Variants in MYPN observed in about 807,000 individuals in gnomAD.
MYPN encodes the protein myopalladin.
MYPN carries 63 observed loss-of-function variants against 129.4 expected under a neutral mutation model. That is an observed-to-expected ratio of 0.49 (90% CI 0.40 to 0.60). The LOEUF (loss-of-function observed/expected upper bound fraction) is 0.60, where lower values mean the gene tolerates loss of function less well. Ranked by LOEUF, MYPN falls within the 20% of genes least tolerant of loss-of-function variation. The pLI is 0.00. For synonymous variants in MYPN, 629 were observed against 600.9 expected (o/e 1.05, Z -0.68); for missense variants, 1,596 against 1,635.4 (o/e 0.98, Z 0.42).
intron 15 of MYPN, 57 bp downstream of exon 15, chr10:68,195,589 C>T (rs1013827298): frequency 2.7e-5 from 36 of 1,347,364 alleles, no homozygotes; most frequent in South Asian, 2.6e-4. Context: ...TGCCCACTAT[C>T]GTGAGCACCA....
At chr10:68,089,408 C>T (rs894712546) in intron 1 of MYPN, among the ~76,000 whole-genome samples, 3 of 152,136 alleles carry the variant, frequency 2.0e-5, no homozygotes, top group African/African-American at 7.2e-5. Flanking sequence ...GTGGCGCGAT[C>T]TCGGCTCACT....
At chr10:68,160,824 G>A (rs534408320) in intron 7 of MYPN, among the ~76,000 whole-genome samples, 1 of 152,170 alleles carries the variant, frequency 6.6e-6, no homozygotes, top group African/African-American at 2.4e-5. Context: ...GCCTGAGGTA[G>A]GAGAATCACT....
At chr10:68,093,756 CAA>C (rs1321053051) in intron 1 of MYPN, among the ~76,000 whole-genome samples, 11 of 120,196 alleles carry the variant, frequency 9.2e-5, no homozygotes, top group African/African-American at 8.9e-5. Flanking sequence ...GACTCCGTCT[CAA>C]AAAAAAAAAA....
At chr10:68,200,136 C>T (rs562324420) in intron 17 of MYPN, among the ~76,000 whole-genome samples, 2 of 152,222 alleles carry the variant, frequency 1.3e-5, no homozygotes, top group Admixed American at 6.5e-5. Flanking sequence ...CAGGTAGGGC[C>T]TTCTGTGTAA....
rs761101537 is a variant in MYPN at position 68,150,060 on chromosome 10, C to T, written c.1266C>T (p.Tyr422=). 1.2e-5 allele frequency: 20 copies of T among 1,613,600 alleles called. No individual in the cohort carries two copies. The South Asian group carries it at 2.0e-4, about 16-fold the overall frequency. ...TIQQCQSPTN[Y]LQGLDGKPII... is the part of the protein sequence containing the mutation. ...ACCAGTGTCAGAGCCCCACCAATTA[C>T]TTGCAGGGATTGGATGGAAAACCTA... The change falls in exon 6 of 20, where the codon TAC becomes TAT. Residue 422 remains tyrosine (Y), a synonymous_variant. Transcript: ENST00000358913.
rs1388698091 is a variant in MYPN at position 68,148,981 on chromosome 10, T to C, written c.1245+514T>C. 3.3e-5 allele frequency among the ~76,000 whole-genome samples: 5 copies of C among 152,310 alleles called. No individual in the cohort carries two copies. In the East Asian group the frequency reaches 9.6e-4, roughly 29 times the overall value. On this transcript the variant is annotated intron_variant, in intron 5 of 19. Transcript: ENST00000358913. ...TGGCTCACACCTGTGATCTCAGCAC[T>C]TTGGGAGGCCAAGGTGGGAGGATTG...
chr10:68,136,902 G>C (rs982195814), intron 2 of MYPN, among the ~76,000 whole-genome samples: 5 of 151,742 alleles, frequency 3.3e-5, no homozygotes, highest in African/African-American at 1.2e-4. Context: ...ACTCTTTTTT[G>C]CAATTTTCTG....
chr10:68,196,508 G>A (rs74889812), intron 15 of MYPN, among the ~76,000 whole-genome samples: 16,867 of 77,426 alleles, frequency 0.22, 1,563 homozygotes, highest in Non-Finnish European at 0.33. Context: ...TTTGAGATGG[G>A]GGTCTCACTC....
chr10:68,104,216 G>A (rs1438934657), upstream of MYPN, among the ~76,000 whole-genome samples: 1 of 152,300 alleles, frequency 6.6e-6, no homozygotes, highest in East Asian at 1.9e-4. Context: ...CCTGGGTCAT[G>A]AGTAAGAACA....
At chr10:68,136,686 C>T (rs899305815) in intron 2 of MYPN, 35 of 1,535,242 alleles carry the variant, frequency 2.3e-5, no homozygotes, top group Admixed American at 1.2e-4. Context: ...CCACTTATCT[C>T]CTTCTGGCTA....
At chr10:68,162,689 T>C (rs1873111) in intron 8 of MYPN, among the ~76,000 whole-genome samples, 61,368 of 152,084 alleles carry the variant, frequency 0.4, 14,219 homozygotes, top group Non-Finnish European at 0.52. Flanking sequence ...GGCATGGTGG[T>C]TCACGCCTGT....
At chr10:68,189,389 A>C (rs1219802236) in intron 13 of MYPN, among the ~76,000 whole-genome samples, 1 of 152,148 alleles carries the variant, frequency 6.6e-6, no homozygotes, top group African/African-American at 2.4e-5. Flanking sequence ...TTTCTCTTCT[A>C]GCTATTTTGA....
At chr10:68,173,926 C>T in intron 10 of MYPN, 140 bp from the exon 11 acceptor site, 1 of 759,092 alleles carries the variant, frequency 1.3e-6, no homozygotes, top group Non-Finnish European at 2.3e-6. Context: ...CTCCGCCTCC[C>T]AAAGTGCTGG....
intron 1 of MYPN, among the ~76,000 whole-genome samples, chr10:68,115,921 C>G (rs904638931): frequency 1.3e-5 from 2 of 152,192 alleles, no homozygotes; most frequent in Non-Finnish European, 2.9e-5. Flanking sequence ...CAGATGGTCA[C>G]ATGAGTAACT....
chr10:68,117,708 A>G (rs980291626), intron 1 of MYPN, among the ~76,000 whole-genome samples: 6 of 152,100 alleles, frequency 3.9e-5, no homozygotes, highest in Non-Finnish European at 8.8e-5. Flanking sequence ...TCCTCGGATC[A>G]AGCCACTTCA....
chr10:68,187,052 C>T (rs1193552561), intron 12 of MYPN, among the ~76,000 whole-genome samples: 4 of 151,960 alleles, frequency 2.6e-5, no homozygotes. Context: ...CACCTCTCTG[C>T]CTTGAGATTA....
At chr10:68,091,464 G>A (rs2041930993) in intron 1 of MYPN, among the ~76,000 whole-genome samples, 1 of 134,722 alleles carries the variant, frequency 7.4e-6, no homozygotes, top group Admixed American at 8.8e-5. Flanking sequence ...GTGCAATCTC[G>A]GCTCACTGCA....
chr10:68,165,646 C>G (rs773999330), intron 8 of MYPN, 56 bp from the exon 9 acceptor site: 1 of 1,291,132 alleles, frequency 7.7e-7, no homozygotes, highest in Non-Finnish European at 1.1e-6. Context: ...CCAGTAAATT[C>G]TATAATTCTG....
intron 1 of MYPN, among the ~76,000 whole-genome samples, chr10:68,119,372 C>A (rs1019319950): frequency 2.0e-5 from 3 of 148,748 alleles, no homozygotes; most frequent in African/African-American, 7.4e-5. Flanking sequence ...CCCTCCAACA[C>A]CTTTGCATTT....
Sources: allele counts gnomAD v4.1 joint callset (sites outside exome capture counted in the v4.1 genomes callset), GRCh38; gene constraint gnomAD v4.1.1; transcripts MANE v1.5; gene names NCBI Gene and HGNC (gene_info 2026-07-23, HGNC 2026-07-21).